Variants in TAFA4 observed in about 807,000 individuals in gnomAD.
TAFA4 encodes the protein TAFA chemokine like family member 4.
TAFA4 carries 20 observed loss-of-function variants against 21.1 expected under a neutral mutation model. That is an observed-to-expected ratio of 0.95 (90% CI 0.67 to 1.38). TAFA4 has a LOEUF of 1.38. TAFA4 is among the 40% of genes most tolerant of loss of function. TAFA4 has a pLI of 0.00. For synonymous variants in TAFA4, 71 were observed against 67.4 expected, an observed-to-expected ratio of 1.05 and a Z score of -0.26; for missense variants, 211 against 180.9, an observed-to-expected ratio of 1.17 and a Z score of -0.95.
chr3:68,890,488 A>G (rs963539189), intron 1 of TAFA4, among the ~76,000 whole-genome samples: 1 of 152,364 alleles, frequency 6.6e-6, no homozygotes, highest in East Asian at 1.9e-4. Context: ...CCAAGCCTCC[A>G]GAGAAGGTTT....
intron 3 of TAFA4, among the ~76,000 whole-genome samples, chr3:68,777,571 G>C (rs1328821366): frequency 5.9e-5 from 9 of 151,970 alleles, no homozygotes; most frequent in Non-Finnish European, 1.0e-4. Context: ...CATTTTTAAA[G>C]AAAGTACAAT....
At chr3:68,847,039 A>G (rs1461761648) in intron 3 of TAFA4, among the ~76,000 whole-genome samples, 1 of 152,222 alleles carries the variant, frequency 6.6e-6, no homozygotes, top group Non-Finnish European at 1.5e-5. Flanking sequence ...GCAAAGCTCA[A>G]GCACTGTGCT....
chr3:68,736,306 C>A (rs2106722808), intron 5 of TAFA4, among the ~76,000 whole-genome samples: 1 of 151,926 alleles, frequency 6.6e-6, no homozygotes, highest in South Asian at 2.1e-4. Context: ...GTCATATTTT[C>A]CCAAAAGAAG....
chr3:68,797,410 G>C (rs534082580), intron 3 of TAFA4, among the ~76,000 whole-genome samples: 1 of 152,040 alleles, frequency 6.6e-6, no homozygotes, highest in East Asian at 1.9e-4. Flanking sequence ...TCAGGAGAAC[G>C]AGACCATCCT....
At chr3:68,927,597 T>C (rs1053986224) in intron 1 of TAFA4, among the ~76,000 whole-genome samples, 1 of 152,202 alleles carries the variant, frequency 6.6e-6, no homozygotes, top group African/African-American at 2.4e-5. Context: ...TTCTCTTTGC[T>C]TCATAAGAAA....
In TAFA4 at chr3:68,814,016, G is replaced by A. The variant is rs1172855833; in HGVS notation, c.131-60998C>T. Reference sequence around the variant, plus strand: ...GGGATGCAAGGCTGGTTCAACATACGCAAATCAATAAATGTAATCCAGCAT... The same window carrying A: ...GGGATGCAAGGCTGGTTCAACATACACAAATCAATAAATGTAATCCAGCAT... On this transcript the variant is annotated intron_variant, in intron 3 of 5. Transcript: ENST00000295569. Among the ~76,000 whole-genome samples, 12 of 152,230 alleles carry A rather than the reference G, an allele frequency of 7.9e-5. No individual in the cohort carries two copies. In the South Asian group the frequency reaches 8.3e-4, roughly 11 times the overall value.
At chr3:68,736,261 AG>A (rs1702239300) in intron 5 of TAFA4, among the ~76,000 whole-genome samples, 1 of 151,974 alleles carries the variant, frequency 6.6e-6, no homozygotes, top group Admixed American at 6.6e-5. Context: ...ATTTCAATTA[AG>A]AAAAAAAAAA....
At chr3:68,799,287 C>T (rs921423476) in intron 3 of TAFA4, among the ~76,000 whole-genome samples, 7 of 152,148 alleles carry the variant, frequency 4.6e-5, no homozygotes, top group African/African-American at 1.7e-4. Flanking sequence ...AACGTGTCTG[C>T]AGAGGCCCTG....
intron 3 of TAFA4, among the ~76,000 whole-genome samples, chr3:68,847,491 C>T (rs1704834465): frequency 6.6e-6 from 1 of 152,228 alleles, no homozygotes; most frequent in Admixed American, 6.5e-5. Flanking sequence ...GACCACTTAG[C>T]CCCCTTTCCA....
chr3:68,755,450 C>T (rs574485719), intron 3 of TAFA4, among the ~76,000 whole-genome samples: 1 of 152,272 alleles, frequency 6.6e-6, no homozygotes, highest in African/African-American at 2.4e-5. Context: ...CTCCATGTGT[C>T]AGTTCTAGGA....
In TAFA4 at chr3:68,927,433, C is replaced by A. The variant is rs533218375; in HGVS notation, c.-123+4807G>T. 9.9e-5 allele frequency among the ~76,000 whole-genome samples: 15 copies of A among 152,262 alleles called. 1 individual carries two copies. Among genetic ancestry groups the A allele is most frequent in the East Asian group, 5.8e-4 (3 of 5,186 alleles). On this transcript the variant is annotated intron_variant, in intron 1 of 5. Transcript: ENST00000295569. ...AAAAATGAATAAATAATAACTCTAG[C>A]TTTTGACAGCTCCGCCTTTTGTTAA...
intron 3 of TAFA4, among the ~76,000 whole-genome samples, chr3:68,820,064 A>T (rs755086620): frequency 3.5e-4 from 53 of 152,354 alleles, no homozygotes; most frequent in Middle Eastern, 3.4e-3. Context: ...AGGAATAAAG[A>T]AAATGTGGCA....
At chr3:68,803,266 A>G (rs1453899981) in intron 3 of TAFA4, among the ~76,000 whole-genome samples, 1 of 152,332 alleles carries the variant, frequency 6.6e-6, no homozygotes, top group East Asian at 1.9e-4. Context: ...TTTAAAGAGA[A>G]CAATTCCTCT....
At chr3:68,857,350 G>A (rs1327286758) in intron 3 of TAFA4, among the ~76,000 whole-genome samples, 2 of 152,044 alleles carry the variant, frequency 1.3e-5, no homozygotes, top group Non-Finnish European at 2.9e-5. Context: ...AGCACACATG[G>A]AGCACTGCAA....
intron 3 of TAFA4, among the ~76,000 whole-genome samples, chr3:68,866,678 A>AAAAAAAAAAT (rs2089424321): frequency 8.1e-6 from 1 of 123,748 alleles, no homozygotes; most frequent in African/African-American, 3.0e-5. Flanking sequence ...AAAAAAAAAA[A>AAAAAAAAAAT]CTCTGCAAAC....
At chr3:68,847,591 G>C (rs1029658662) in intron 3 of TAFA4, among the ~76,000 whole-genome samples, 1 of 152,196 alleles carries the variant, frequency 6.6e-6, no homozygotes, top group African/African-American at 2.4e-5. Context: ...TCTACCCAAA[G>C]GGCTGCCCAG....
intron 3 of TAFA4, among the ~76,000 whole-genome samples, chr3:68,822,750 G>A (rs184868167): frequency 1.2e-4 from 19 of 152,246 alleles, no homozygotes; most frequent in African/African-American, 4.3e-4. Flanking sequence ...AGGATTGTAG[G>A]CATGAGCCAC....
chr3:68,788,969 C>T (rs1479770542), intron 3 of TAFA4, among the ~76,000 whole-genome samples: 1 of 152,064 alleles, frequency 6.6e-6, no homozygotes, highest in Non-Finnish European at 1.5e-5. Flanking sequence ...TGTGGTGGCT[C>T]ACGCCTGTAA....
At chr3:68,847,172 G>C (rs767323805) in intron 3 of TAFA4, among the ~76,000 whole-genome samples, 1 of 152,232 alleles carries the variant, frequency 6.6e-6, no homozygotes, top group East Asian at 1.9e-4. Context: ...TTATCTATAA[G>C]CCCCTGACTT....
Sources: gnomAD v4.1 joint callset for allele counts (sites outside exome capture counted in the v4.1 genomes callset) on GRCh38, gnomAD v4.1.1 for gene constraint, MANE v1.5 for transcripts, NCBI Gene and HGNC (gene_info 2026-07-23, HGNC 2026-07-21) for gene names.